CPA6: variants seen among roughly 807,000 people sequenced by gnomAD.
CPA6 encodes carboxypeptidase A6.
In CPA6, 58 loss-of-function variants were observed where a neutral mutation model predicts 63.3. The ratio of observed to expected loss-of-function variants is 0.92; its 90% CI spans 0.74 to 1.14. The LOEUF (loss-of-function observed/expected upper bound fraction) is 1.14. Ranked by LOEUF, CPA6 falls within the 50% of genes most tolerant of loss-of-function variation. The probability of loss-of-function intolerance (pLI) is 0.00; values close to 1 mark genes in which losing one functional copy is unlikely to be tolerated. For synonymous variants in CPA6, 185 were observed against 179.0 expected, an observed-to-expected ratio of 1.03 and a Z score of -0.27; for missense variants, 565 against 526.6, an observed-to-expected ratio of 1.07 and a Z score of -0.71.
At chr8:67,718,997 G>A (rs888789054) in intron 1 of CPA6, among the ~76,000 whole-genome samples, 1 of 152,050 alleles carries the variant, frequency 6.6e-6, no homozygotes, top group Non-Finnish European at 1.5e-5. Flanking sequence ...CTTAGGTAGG[G>A]GGAAAAGCTG....
intron 2 of CPA6, among the ~76,000 whole-genome samples, chr8:67,576,471 G>A (rs1813628911): frequency 6.6e-6 from 1 of 152,152 alleles, no homozygotes; most frequent in African/African-American, 2.4e-5. Context: ...GCTTGTAGAA[G>A]TGCTATAGGT....
chr8:67,624,804 C>T (rs923410746), intron 1 of CPA6, among the ~76,000 whole-genome samples: 2 of 152,050 alleles, frequency 1.3e-5, no homozygotes, highest in African/African-American at 2.4e-5. Flanking sequence ...ACAAGAGGGC[C>T]GTCGGCGTTA....
At chr8:67,590,865 C>G (rs1458593331) in intron 2 of CPA6, among the ~76,000 whole-genome samples, 28 of 151,472 alleles carry the variant, frequency 1.8e-4, no homozygotes, top group African/African-American at 5.6e-4. Context: ...AGTTTCTTTT[C>G]CTGTGCAGAA....
intron 1 of CPA6, among the ~76,000 whole-genome samples, chr8:67,728,432 AAATT>A (rs1322403802): frequency 2.0e-5 from 3 of 152,160 alleles, no homozygotes; most frequent in African/African-American, 7.2e-5. Flanking sequence ...TGAGCATTAA[AAATT>A]ATTTATAGAC....
chr8:67,573,966 C>T, intron 2 of CPA6, among the ~76,000 whole-genome samples: 1 of 146,930 alleles, frequency 6.8e-6, no homozygotes. Context: ...AAAACATATT[C>T]TGTGTGTTCA....
intron 1 of CPA6, among the ~76,000 whole-genome samples, chr8:67,685,483 G>A (rs1349921238): frequency 6.6e-6 from 1 of 152,186 alleles, no homozygotes; most frequent in African/African-American, 2.4e-5. Context: ...GCCGGGCATG[G>A]TGGCGGGCGC....
chr8:67,638,138 G>T lies in CPA6; in HGVS notation c.117-13887C>A, dbSNP rs370396745. 6.6e-5 allele frequency among the ~76,000 whole-genome samples: 10 copies of T among 151,402 alleles called. 1 individual carries two copies. The highest frequency in any genetic ancestry group is 2.6e-4 in the Admixed American group (4 of 15,254). On this transcript the variant is annotated intron_variant, in intron 1 of 10. Coordinates refer to ENST00000297770, the MANE Select transcript of CPA6 (RefSeq NM_020361.5). ...ACTGGGGCCAGTGGTTATCCTGACTGAGGAGCACCTTGGTAGCCCTTGGAT... is the reference window on the plus strand; with the variant it reads ...ACTGGGGCCAGTGGTTATCCTGACTTAGGAGCACCTTGGTAGCCCTTGGAT...
chr8:67,628,404 C>T (rs967531411), intron 1 of CPA6, among the ~76,000 whole-genome samples: 3 of 152,148 alleles, frequency 2.0e-5, no homozygotes, highest in Admixed American at 6.5e-5. Flanking sequence ...CATGACCTTT[C>T]GCAACTGATT....
At chr8:67,518,289 A>C (rs1025773706) in intron 2 of CPA6, among the ~76,000 whole-genome samples, 2 of 152,174 alleles carry the variant, frequency 1.3e-5, no homozygotes, top group African/African-American at 4.8e-5. Flanking sequence ...CAATATATTA[A>C]AGCTACAAGG....
At position 67,623,921 on chromosome 8, in the gene CPA6, C is replaced by T. The variant is rs112242596; in HGVS notation, c.192+255G>A. On this transcript the variant is annotated intron_variant, in intron 2 of 10. Coordinates refer to ENST00000297770, the MANE Select transcript of CPA6 (RefSeq NM_020361.5). The stretch of plus-strand genomic sequence containing the variant: ...AAGAGGCCGGAGAATTGCTTGAACC[C>T]GGGAGGTGGAGGCTGCAGTGAGCCG... Among the ~76,000 whole-genome samples, 878 of 152,052 alleles carry T rather than the reference C, an allele frequency of 5.8e-3. 12 individuals are homozygous for T. Among genetic ancestry groups the T allele is most frequent in the African/African-American group, 0.02 (820 of 41,512 alleles).
chr8:67,659,587 G>A (rs780258043), intron 1 of CPA6, among the ~76,000 whole-genome samples: 19 of 152,104 alleles, frequency 1.2e-4, no homozygotes, highest in South Asian at 2.1e-4. Flanking sequence ...GTCTCCTGGC[G>A]CTTGGATTAT....
chr8:67,624,281 T>A, intron 1 of CPA6, 30 bp from the exon 2 acceptor site: 2 of 1,245,744 alleles, frequency 1.6e-6, no homozygotes, highest in Non-Finnish European at 2.3e-6. Context: ...AGATGATAAT[T>A]ACTTTTCGAA....
intron 1 of CPA6, among the ~76,000 whole-genome samples, chr8:67,712,629 G>T (rs1161823736): frequency 6.6e-6 from 1 of 152,120 alleles, no homozygotes; most frequent in Non-Finnish European, 1.5e-5. Flanking sequence ...TGGGGACAGA[G>T]ATTTGGGATA....
At position 67,720,506 on chromosome 8, in the gene CPA6, A is replaced by T. The variant is rs577974861; in HGVS notation, c.116+25508T>A. ...ATGACCAATGTCTCTGAGACAGAGA[A>T]CTCAGCGCTCACAGACACTGAGCTC... is the stretch of plus-strand genomic sequence containing the variant. On this transcript the variant is annotated intron_variant, in intron 1 of 10. Transcript: ENST00000297770. 4.9e-4 allele frequency among the ~76,000 whole-genome samples: 75 copies of T among 152,194 alleles called. 1 individual carries two copies. The highest frequency in any genetic ancestry group is 2.9e-5 in the Non-Finnish European group (2 of 67,994).
intron 8 of CPA6, among the ~76,000 whole-genome samples, chr8:67,452,900 T>C (rs778724629): frequency 6.6e-6 from 1 of 152,136 alleles, no homozygotes; most frequent in Non-Finnish European, 1.5e-5. Flanking sequence ...GCAAAGACCC[T>C]AAGCCAATGT....
chr8:67,708,877 A>G (rs1817194812), intron 1 of CPA6, among the ~76,000 whole-genome samples: 1 of 152,114 alleles, frequency 6.6e-6, no homozygotes, highest in South Asian at 2.1e-4. Context: ...CCCCAACCCC[A>G]CACCAGAAAC....
intron 1 of CPA6, among the ~76,000 whole-genome samples, chr8:67,721,136 A>T (rs1817490447): frequency 6.6e-6 from 1 of 152,258 alleles, no homozygotes; most frequent in African/African-American, 2.4e-5. Flanking sequence ...TAATGGTGCC[A>T]ACTTGCTTCC....
chr8:67,632,678 C>T (rs1815369901), intron 1 of CPA6, among the ~76,000 whole-genome samples: 1 of 152,026 alleles, frequency 6.6e-6, no homozygotes, highest in African/African-American at 2.4e-5. Context: ...AGTTTTTAGT[C>T]GTTCTTTACT....
intron 2 of CPA6, among the ~76,000 whole-genome samples, chr8:67,531,454 G>C (rs1024573767): frequency 2.0e-5 from 3 of 152,038 alleles, no homozygotes; most frequent in Non-Finnish European, 2.9e-5. Flanking sequence ...AGCTGGTGCA[G>C]CTATATTAAT....
Sources: allele counts gnomAD v4.1 joint callset (sites outside exome capture counted in the v4.1 genomes callset), GRCh38; gene constraint gnomAD v4.1.1; transcripts MANE v1.5; gene names NCBI Gene and HGNC (gene_info 2026-07-23, HGNC 2026-07-21).